The following URGCP variants were observed in gnomAD, a reference collection of about 807,000 sequenced individuals.
The protein encoded by URGCP is upregulator of cell proliferation.
In URGCP, 13 loss-of-function variants were observed where a neutral mutation model predicts 24.6. The observed-to-expected ratio is 0.53, with a 90% CI of 0.34 to 0.84. The LOEUF (loss-of-function observed/expected upper bound fraction) is 0.84. Ranked by LOEUF, URGCP falls within the 40% of genes least tolerant of loss-of-function variation. URGCP has a pLI of 0.01. For synonymous variants in URGCP, 444 were observed against 487.2 expected (o/e 0.91, Z 1.17); for missense variants, 899 against 1,194.3 (o/e 0.75, Z 3.64).
At position 43,877,324 on chromosome 7, in the gene URGCP, A is replaced by G. The variant is rs767321555; in HGVS notation, c.2139T>C (p.Phe713=). 1 of 1,613,076 alleles carries G rather than the reference A, an allele frequency of 6.2e-7. No individual in the cohort carries two copies. Among genetic ancestry groups the G allele is most frequent in the Non-Finnish European group, 8.5e-7 (1 of 1,180,026 alleles). ...TCTTCCCTGTGGCAAACCGCAGCCCAAACATGGTGTTGAGGAGTGTGGACT... is the reference window on the plus strand; with the variant it reads ...TCTTCCCTGTGGCAAACCGCAGCCCGAACATGGTGTTGAGGAGTGTGGACT... ...TGKSTLLNTM[F]GLRFATGKSC... The change falls in exon 6 of 6, where the codon TTT becomes TTC. Residue 713 remains phenylalanine, a synonymous_variant. Transcript: ENST00000453200.
chr7:43,917,609 C>A (rs1343878003), intron 1 of URGCP, among the ~76,000 whole-genome samples: 2 of 152,146 alleles, frequency 1.3e-5, no homozygotes, highest in African/African-American at 4.8e-5. Context: ...TTTGTTGATT[C>A]TCTTCCCCTT....
Position 43,879,018 on chromosome 7 carries a change from T to C in URGCP, c.445A>G (p.Ser149Gly). The change falls in exon 6 of 6, where the codon AGC becomes GGC. Residue 149 changes from serine (S) to glycine (G), a missense_variant. Coordinates refer to ENST00000453200, the MANE Select transcript of URGCP (RefSeq NM_001077663.3). ...TAGATGATCTCCTCTTCCATCTGGC[T>C]CTCCTTCTCCACAGGCCTGGCGTCT... ...LPDARPVEKESQMEEEIIYWD... is the reference protein window; with the variant it reads ...LPDARPVEKEGQMEEEIIYWD... 2 of 1,614,150 alleles carry C rather than the reference T, an allele frequency of 1.2e-6. No homozygotes were observed. Among genetic ancestry groups the C allele is most frequent in the Non-Finnish European group, 8.5e-7 (1 of 1,180,028 alleles).
chr7:43,881,879 A>G (rs1562574198), intron 4 of URGCP, 28 bp downstream of exon 4: 1 of 1,612,950 alleles, frequency 6.2e-7, no homozygotes, highest in Non-Finnish European at 8.5e-7. Context: ...CCCCAGTCCA[A>G]TCTGTTGCCA....
At chr7:43,902,318 T>C (rs1054304625) in intron 1 of URGCP, among the ~76,000 whole-genome samples, 10 of 149,320 alleles carry the variant, frequency 6.7e-5, no homozygotes, top group Non-Finnish European at 9.0e-5. Flanking sequence ...CACACATTCC[T>C]GGGTTTCAAT....
intron 2 of URGCP, 84 bp downstream of exon 2, chr7:43,887,706 A>C: frequency 6.6e-7 from 1 of 1,522,712 alleles, no homozygotes; most frequent in Non-Finnish European, 8.8e-7. Flanking sequence ...GTTGAGAAAC[A>C]CTGGTCTAGA....
intron 1 of URGCP, among the ~76,000 whole-genome samples, chr7:43,905,299 G>T (rs2095899094): frequency 6.6e-6 from 1 of 152,092 alleles, no homozygotes; most frequent in South Asian, 2.1e-4. Context: ...TGACAAGGGG[G>T]AAAGGAATGC....
At chr7:43,883,358 A>AT (rs1490751876) in intron 3 of URGCP, among the ~76,000 whole-genome samples, 2,399 of 95,486 alleles carry the variant, frequency 0.025, 38 homozygotes, top group Admixed American at 0.037. Flanking sequence ...ATATATATAT[A>AT]TATATTTTTT....
At chr7:43,880,183 A>G (rs549628701) in intron 5 of URGCP, among the ~76,000 whole-genome samples, 1 of 152,258 alleles carries the variant, frequency 6.6e-6, no homozygotes, top group African/African-American at 2.4e-5. Flanking sequence ...TAGCCCTCTC[A>G]AAGTGCTGGG....
chr7:43,925,086 A>C (rs1213510986), intron 1 of URGCP, among the ~76,000 whole-genome samples: 1 of 152,128 alleles, frequency 6.6e-6, no homozygotes, highest in Non-Finnish European at 1.5e-5. Context: ...AGGCCCCTGG[A>C]TGACAGTGAA....
chr7:43,884,057 T>C (rs996163978), intron 3 of URGCP, among the ~76,000 whole-genome samples: 12 of 152,138 alleles, frequency 7.9e-5, no homozygotes, highest in African/African-American at 2.4e-4. Flanking sequence ...AGAGTAGTTT[T>C]AAGCTGGAGT....
intron 1 of URGCP, among the ~76,000 whole-genome samples, chr7:43,903,438 T>C (rs1347509946): frequency 6.6e-6 from 1 of 152,194 alleles, no homozygotes. Context: ...AGTGACTATT[T>C]AAAATCTTTT....
chr7:43,877,149 C>A lies in URGCP; in HGVS notation c.2314G>T (p.Ala772Ser). ...CCCATGAGCAGAGTGGCCAAGGAAG[C>A]CTCCAGCTCAAATCTGTCCCCAGCT... is the stretch of plus-strand genomic sequence containing the variant. ...TSAGDRFELE[A>S]SLATLLMGLS... Residue 772 changes from alanine (A) to serine (S), a missense_variant, in exon 6 of 6, where the codon GCT (alanine) becomes TCT (serine). By Grantham distance (99) the Ala-to-Ser change is moderately conservative. Transcript: ENST00000453200. The A allele has an allele frequency of 1.2e-6, 2 of 1,614,212 alleles. No individual in the cohort carries two copies. The highest frequency in any genetic ancestry group is 1.1e-5 in the South Asian group (1 of 91,090).
chr7:43,914,738 TG>T, intron 1 of URGCP, among the ~76,000 whole-genome samples: 2 of 152,358 alleles, frequency 1.3e-5, no homozygotes, highest in Middle Eastern at 6.8e-3. Flanking sequence ...AAATTTGCTT[TG>T]AATCCCTCCA....
rs1470630128 is a variant in URGCP at position 43,906,401 on chromosome 7, G to A, written c.14+161C>T. On this transcript the variant is annotated intron_variant, in intron 1 of 5. Coordinates refer to ENST00000453200, the MANE Select transcript of URGCP (RefSeq NM_001077663.3). ...CGCGGCCGGTCCGCCCAAGGTCGGC[G>A]CGAGCGGGCCGTGGGCCTGGTGGGC... 6 of 824,978 alleles carry A rather than the reference G, an allele frequency of 7.3e-6. No homozygotes were observed. In the Admixed American group the frequency reaches 3.7e-4, roughly 51 times the overall value. The allele number at this position is 824,978 out of a possible 1,614,324, so 51.1% of individuals were successfully genotyped here.
chr7:43,919,650 A>G (rs2095919859), intron 1 of URGCP: 7 of 1,372,930 alleles, frequency 5.1e-6, no homozygotes, highest in Non-Finnish European at 5.2e-6. Context: ...CCACTCCTAC[A>G]TCACCATCCT....
intron 1 of URGCP, among the ~76,000 whole-genome samples, chr7:43,923,449 G>A (rs2132735494): frequency 6.6e-6 from 1 of 152,082 alleles, no homozygotes; most frequent in African/African-American, 2.4e-5. Flanking sequence ...ACCACATCCA[G>A]CTAACTTTTA....
upstream of URGCP, chr7:43,910,592 C>CA (rs1251233955): frequency 1.3e-5 from 2 of 151,942 alleles, no homozygotes. Context: ...TGGTGGCTCA[C>CA]ACCTTTAATC....
At chr7:43,900,481 A>AAAAAAAG (rs1554291222) in intron 1 of URGCP, among the ~76,000 whole-genome samples, 23 of 147,696 alleles carry the variant, frequency 1.6e-4, no homozygotes, top group African/African-American at 5.5e-4. Context: ...AAAAAAAAAA[A>AAAAAAAG]AAAAAGAAAA....
At chr7:43,891,657 ACAGT>A (rs1334224826) in intron 1 of URGCP, among the ~76,000 whole-genome samples, 1 of 152,176 alleles carries the variant, frequency 6.6e-6, no homozygotes, top group Admixed American at 6.5e-5. Context: ...TTGTCTCCTC[ACAGT>A]CAGCTCCCTT....
Sources: allele counts gnomAD v4.1 joint callset (sites outside exome capture counted in the v4.1 genomes callset), GRCh38; gene constraint gnomAD v4.1.1; transcripts MANE v1.5; gene names NCBI Gene and HGNC (gene_info 2026-07-23, HGNC 2026-07-21).